TMEM196: variants seen among roughly 807,000 people sequenced by gnomAD.
The protein encoded by TMEM196 is transmembrane protein 196.
A neutral mutation model predicts 20.0 loss-of-function variants in TMEM196; 17 were observed. The observed-to-expected ratio is 0.85, with a 90% confidence interval of 0.58 to 1.27. The LOEUF is 1.27. Ranked by LOEUF, TMEM196 falls within the 50% of genes most tolerant of loss-of-function variation. The pLI, the probability that TMEM196 is intolerant of heterozygous loss-of-function variation, is 0.00. For synonymous variants in TMEM196, 113 were observed against 88.9 expected (o/e 1.27, Z -1.52); for missense variants, 267 against 223.0 (o/e 1.20, Z -1.26).
chr7:19,763,057 C>G (rs1429730904), intron 1 of TMEM196, among the ~76,000 whole-genome samples: 1 of 152,092 alleles, frequency 6.6e-6, no homozygotes, highest in Non-Finnish European at 1.5e-5. Context: ...ATCTTTTTAC[C>G]TTCTCTGTGC....
chr7:19,745,916 A>T (rs1432780392), intron 1 of TMEM196, among the ~76,000 whole-genome samples: 5 of 151,942 alleles, frequency 3.3e-5, no homozygotes, highest in Non-Finnish European at 7.4e-5. Context: ...AGATTTTAAA[A>T]AATCAAATAA....
intron 1 of TMEM196, among the ~76,000 whole-genome samples, chr7:19,733,870 G>C (rs1256222220): frequency 6.6e-6 from 1 of 152,130 alleles, no homozygotes; most frequent in Non-Finnish European, 1.5e-5. Context: ...AGGCGCACAA[G>C]GACTTCCTAA....
chr7:19,772,956 G>A lies in TMEM196; in HGVS notation c.-260C>T, dbSNP rs866443782. On this transcript the variant is annotated 5_prime_UTR_variant, in exon 1 of 5. Coordinates refer to ENST00000405844, the MANE Select transcript of TMEM196 (RefSeq NM_001363562.2). Reference sequence around the variant, plus strand: ...AGGATCTTCCTGGGTTCGGTGGTGCGAAGATTGCACACCGGTACCGGGGCT... The same window carrying A: ...AGGATCTTCCTGGGTTCGGTGGTGCAAAGATTGCACACCGGTACCGGGGCT... The A allele has an allele frequency of 2.3e-4, 76 of 336,208 alleles. No individual in the cohort carries two copies. Among genetic ancestry groups the A allele is most frequent in the African/African-American group, 1.4e-3 (66 of 47,472 alleles). The allele number at this position is 336,208 out of a possible 1,614,324, so 20.8% of individuals were successfully genotyped here.
chr7:19,736,353 CTATATATA>C (rs71017071), intron 1 of TMEM196, among the ~76,000 whole-genome samples: 941 of 37,718 alleles, frequency 0.025, 10 homozygotes, highest in Middle Eastern at 0.039. Context: ...GTGGTTCCTA[CTATATATA>C]TATATATATA....
chr7:19,772,554 G>A lies in TMEM196; in HGVS notation c.143C>T (p.Ser48Phe). The A allele has an allele frequency of 1.9e-6, 3 of 1,543,246 alleles. No homozygotes were observed. The highest frequency in any genetic ancestry group is 8.7e-7 in the Non-Finnish European group (1 of 1,144,062). ...TACACACACCCCGCTCCATACCGGGGACGAGTCTCCGAGCTGCGGCTTGTG... is the reference window on the plus strand; with the variant it reads ...TACACACACCCCGCTCCATACCGGGAACGAGTCTCCGAGCTGCGGCTTGTG... The part of the protein sequence containing the change: ...REHKPQLGDS[S>F]PFLLCGICGI... Residue 48 changes from serine (S) to phenylalanine (F), a missense_variant, in exon 1 of 5, where the codon TCC (serine) becomes TTC (phenylalanine). Ser to Phe is a radical substitution (Grantham distance 155). Transcript: ENST00000405844.
In TMEM196 at chr7:19,725,876, G is replaced by C. The variant is rs749798166; in HGVS notation, c.205-108C>G. 7.9e-4 allele frequency: 1,058 copies of C among 1,345,160 alleles called. 2 individuals carry two copies. Among genetic ancestry groups the C allele is most frequent in the Non-Finnish European group, 9.8e-4 (991 of 1,011,468 alleles). The allele number at this position is 1,345,160 out of a possible 1,614,324, so 83.3% of individuals were successfully genotyped here. The stretch of plus-strand genomic sequence containing the variant: ...AGGATGACTAGCCTACAATAAAGAA[G>C]AATAAGCGGTTTTGGTGCTTCACAG... On this transcript the variant is annotated intron_variant, in intron 2 of 4. Coordinates refer to ENST00000405844, the MANE Select transcript of TMEM196 (RefSeq NM_001363562.2).
intron 1 of TMEM196, among the ~76,000 whole-genome samples, chr7:19,770,788 G>T (rs1220609653): frequency 1.3e-5 from 2 of 152,064 alleles, no homozygotes; most frequent in Non-Finnish European, 2.9e-5. Flanking sequence ...TACACATCTA[G>T]ATAATAGTAA....
intron 1 of TMEM196, among the ~76,000 whole-genome samples, chr7:19,756,801 G>A (rs1422703457): frequency 1.3e-5 from 2 of 152,066 alleles, no homozygotes; most frequent in Non-Finnish European, 2.9e-5. Context: ...TGTCTGCATA[G>A]TATCCCAGGT....
intron 1 of TMEM196, among the ~76,000 whole-genome samples, chr7:19,737,579 TA>T (rs937177855): frequency 3.3e-5 from 5 of 151,962 alleles, no homozygotes; most frequent in African/African-American, 9.6e-5. Context: ...TTCACTGATA[TA>T]AAAAAAGTGA....
chr7:19,752,903 C>T (rs1215804505), intron 1 of TMEM196, among the ~76,000 whole-genome samples: 1 of 152,162 alleles, frequency 6.6e-6, no homozygotes, highest in African/African-American at 2.4e-5. Flanking sequence ...ATGAGCCACC[C>T]GCCCGGCCTT....
chr7:19,723,194 T>A (rs1028125447), intron 4 of TMEM196, among the ~76,000 whole-genome samples: 1 of 152,088 alleles, frequency 6.6e-6, no homozygotes, highest in African/African-American at 2.4e-5. Flanking sequence ...TGGAGTTAAG[T>A]TTATAGCTCA....
chr7:19,741,486 GTTAAT>G (rs1784579163), intron 1 of TMEM196, among the ~76,000 whole-genome samples: 1 of 152,140 alleles, frequency 6.6e-6, no homozygotes, highest in African/African-American at 2.4e-5. Flanking sequence ...ATCAAATCCA[GTTAAT>G]TTAAACATTT....
At position 19,767,435 on chromosome 7, in the gene TMEM196, C is replaced by T. The variant is rs141753458; in HGVS notation, c.147+5115G>A. On this transcript the variant is annotated intron_variant, in intron 1 of 4. Transcript: ENST00000405844. ...ATCATATAAGAAAGAGATTCTTTAC[C>T]TGGGCTCTACAGAATCCATTAGTGG... 3.9e-5 allele frequency among the ~76,000 whole-genome samples: 6 copies of T among 151,914 alleles called. No individual in the cohort carries two copies. In the East Asian group the frequency reaches 1.2e-3, roughly 29 times the overall value.
chr7:19,762,892 G>A (rs1267880408), intron 1 of TMEM196, among the ~76,000 whole-genome samples: 1 of 152,146 alleles, frequency 6.6e-6, no homozygotes, highest in Non-Finnish European at 1.5e-5. Context: ...AACATGCATA[G>A]CGGTTTCCGA....
chr7:19,736,899 T>C (rs943049318), intron 1 of TMEM196, among the ~76,000 whole-genome samples: 10 of 152,018 alleles, frequency 6.6e-5, no homozygotes, highest in Non-Finnish European at 1.3e-4. Context: ...ACATATTTTT[T>C]CCCCAAGTCT....
Position 19,772,873 on chromosome 7 carries a change from T to A in TMEM196, c.-177A>T. On this transcript the variant is annotated 5_prime_UTR_variant, in exon 1 of 5. Transcript: ENST00000405844. ...TCCAGAAACGAAGACCTTCCCTGGC[T>A]GGGCCAGAGGCAAAGGAGCTGCTCC... 1 of 537,588 alleles carries A rather than the reference T, an allele frequency of 1.9e-6. No homozygotes were observed. The highest frequency in any genetic ancestry group is 2.9e-6 in the Non-Finnish European group (1 of 343,958). 33.3% of individuals were successfully genotyped at this position (537,588 alleles called of 1,614,324 possible).
intron 1 of TMEM196, among the ~76,000 whole-genome samples, chr7:19,734,111 A>G (rs1784310997): frequency 6.6e-6 from 1 of 152,178 alleles, no homozygotes; most frequent in Non-Finnish European, 1.5e-5. Flanking sequence ...CAAGGCAACT[A>G]CAGCCCACCA....
At chr7:19,736,396 T>C (rs941186817) in intron 1 of TMEM196, among the ~76,000 whole-genome samples, 4 of 98,822 alleles carry the variant, frequency 4.0e-5, no homozygotes, top group African/African-American at 1.2e-4. Flanking sequence ...TATATATATA[T>C]ATATAAATTA....
chr7:19,721,865 A>G lies in TMEM196; in HGVS notation c.*263T>C. 1 of 481,942 alleles carries G rather than the reference A, an allele frequency of 2.1e-6. No homozygotes were observed. Among genetic ancestry groups the G allele is most frequent in the Non-Finnish European group, 3.6e-6 (1 of 276,298 alleles). The allele number at this position is 481,942 out of a possible 1,614,324, so 29.9% of individuals were successfully genotyped here. A position where few individuals can be genotyped will look rare whatever the true frequency, so the allele number is the denominator to read the frequency against. ...AGAACAATCTGGAAAGCCTCTTGAA[A>G]TTATTGTACTAGAATGTTTCTGGAA... On this transcript the variant is annotated 3_prime_UTR_variant, in exon 5 of 5. Transcript: ENST00000405844.
Sources: gnomAD v4.1 joint callset for allele counts (sites outside exome capture counted in the v4.1 genomes callset) on GRCh38, gnomAD v4.1.1 for gene constraint, MANE v1.5 for transcripts, NCBI Gene and HGNC (gene_info 2026-07-23, HGNC 2026-07-21) for gene names.